Variants in LEKR1 observed in about 807,000 individuals in gnomAD.
LEKR1 encodes the protein protein LEKR1.
Under a neutral mutation model 72.4 loss-of-function variants are expected in LEKR1, and 59 were observed. That is an observed-to-expected ratio of 0.82 (90% CI 0.66 to 1.01). The LOEUF is 1.01. Among genes scored for constraint, LEKR1 ranks in the 50% least tolerant of loss-of-function variants. The pLI is 0.00. For missense variants in LEKR1, 728 were observed against 759.2 expected, an observed-to-expected ratio of 0.96 and a Z score of 0.48; for synonymous variants, 257 against 263.2, an observed-to-expected ratio of 0.98 and a Z score of 0.23.
intron 3 of LEKR1, among the ~76,000 whole-genome samples, chr3:156,916,457 A>G (rs754864611): frequency 6.6e-6 from 1 of 151,874 alleles, no homozygotes; most frequent in South Asian, 2.1e-4. Flanking sequence ...TATAATTCTC[A>G]TTGTAGAGAT....
At chr3:156,923,501 A>G (rs1053703597) in intron 4 of LEKR1, among the ~76,000 whole-genome samples, 7 of 152,184 alleles carry the variant, frequency 4.6e-5, no homozygotes, top group Non-Finnish European at 1.0e-4. Context: ...ACTTATCCAT[A>G]CTTTTGTTCC....
chr3:156,841,614 A>C (rs1397705518), intron 2 of LEKR1, among the ~76,000 whole-genome samples: 2 of 152,174 alleles, frequency 1.3e-5, no homozygotes, highest in Non-Finnish European at 2.9e-5. Flanking sequence ...GCATTTATAC[A>C]ACAAGTATTT....
chr3:156,827,672 A>G (rs996984527), intron 1 of LEKR1, among the ~76,000 whole-genome samples: 1 of 152,070 alleles, frequency 6.6e-6, no homozygotes, highest in Non-Finnish European at 1.5e-5. Flanking sequence ...ATTGTGGAGC[A>G]TTTTCTGGGT....
chr3:157,027,682 G>T (rs1357915975), intron 11 of LEKR1, among the ~76,000 whole-genome samples: 1 of 152,032 alleles, frequency 6.6e-6, no homozygotes, highest in Admixed American at 6.6e-5. Context: ...AGGGGTGGTG[G>T]CATGAGTCTG....
At chr3:157,010,115 A>G (rs190917194) in intron 9 of LEKR1, among the ~76,000 whole-genome samples, 16 of 151,932 alleles carry the variant, frequency 1.1e-4, no homozygotes, top group African/African-American at 2.6e-4. Context: ...TTTTATTCCT[A>G]ATTAGTCTAC....
chr3:156,986,772 C>G (rs1730724410), intron 7 of LEKR1, among the ~76,000 whole-genome samples: 1 of 152,178 alleles, frequency 6.6e-6, no homozygotes. Flanking sequence ...GAGGAGTGCA[C>G]AAGATACATA....
intron 6 of LEKR1, among the ~76,000 whole-genome samples, chr3:156,945,794 G>C (rs1349795337): frequency 1.3e-5 from 2 of 151,586 alleles, no homozygotes; most frequent in Non-Finnish European, 3.0e-5. Flanking sequence ...TTTCTGTTCT[G>C]TTCCATTGGT....
rs571935638 is a variant in LEKR1, at chr3:157,045,339, G to T, written c.1669-1G>T. On this transcript the variant is annotated splice_acceptor_variant, in intron 12 of 12. Transcript: ENST00000356539. LOFTEE classifies it high-confidence loss of function. ...CTTTCTTTTCCCCTCTCTCTTTTCA[G>T]AATACTTTTCTTCAGGAGACAGTGC... The T allele has an allele frequency of 1.6e-5, 25 of 1,604,046 alleles. No individual in the cohort carries two copies. The highest frequency in any genetic ancestry group is 1.2e-4 in the South Asian group (11 of 90,102).
intron 5 of LEKR1, among the ~76,000 whole-genome samples, chr3:156,940,519 T>C (rs1479464665): frequency 6.6e-6 from 1 of 152,174 alleles, no homozygotes; most frequent in Non-Finnish European, 1.5e-5. Flanking sequence ...TCGGGACACA[T>C]GTCTTACAAG....
intron 10 of LEKR1, among the ~76,000 whole-genome samples, chr3:157,021,912 C>G (rs941860589): frequency 2.6e-5 from 4 of 151,888 alleles, no homozygotes; most frequent in Non-Finnish European, 4.4e-5. Flanking sequence ...TGATTATTAA[C>G]TTTTATATTA....
chr3:156,935,610 G>A (rs1268132667), intron 5 of LEKR1, among the ~76,000 whole-genome samples: 1 of 152,042 alleles, frequency 6.6e-6, no homozygotes, highest in Non-Finnish European at 1.5e-5. Flanking sequence ...AAAATAAATT[G>A]AATGTAATGT....
At position 156,919,680 on chromosome 3, in the gene LEKR1, T is replaced by C. The variant is rs1251938284; in HGVS notation, c.264-895T>C. 2.6e-5 allele frequency among the ~76,000 whole-genome samples: 4 copies of C among 152,210 alleles called. No individual in the cohort carries two copies. The South Asian group carries it at 8.3e-4, about 32-fold the overall frequency. Reference sequence around the variant, plus strand: ...TAGATTAATAACTGTTTATAGCAACTACATGCTAACAAATCTTATTGTCTT... The same window carrying C: ...TAGATTAATAACTGTTTATAGCAACCACATGCTAACAAATCTTATTGTCTT... On this transcript the variant is annotated intron_variant, in intron 3 of 12. Coordinates refer to ENST00000356539, the MANE Select transcript of LEKR1 (RefSeq NM_001004316.3).
chr3:156,987,147 G>C (rs114755825), intron 7 of LEKR1, among the ~76,000 whole-genome samples: 2 of 151,978 alleles, frequency 1.3e-5, no homozygotes, highest in African/African-American at 4.8e-5. Flanking sequence ...GAAGAGAAAG[G>C]ATTACCACTA....
At chr3:157,030,952 A>G (rs1577020564) in intron 12 of LEKR1, among the ~76,000 whole-genome samples, 1 of 152,214 alleles carries the variant, frequency 6.6e-6, no homozygotes, top group South Asian at 2.1e-4. Context: ...CAGAAGCCAC[A>G]GTCTTTTTGC....
intron 10 of LEKR1, among the ~76,000 whole-genome samples, chr3:157,014,515 T>A (rs567686648): frequency 2.0e-5 from 3 of 152,270 alleles, no homozygotes; most frequent in Admixed American, 2.0e-4. Flanking sequence ...CCTAACGTGT[T>A]TTAGTATGCT....
rs546990019 is a variant in LEKR1, at chr3:156,869,577, T to A, written c.263+16595T>A. 5.9e-5 allele frequency among the ~76,000 whole-genome samples: 9 copies of A among 152,220 alleles called. No individual in the cohort carries two copies. The East Asian group carries it at 1.2e-3, about 20-fold the overall frequency. On this transcript the variant is annotated intron_variant, in intron 3 of 12. Transcript: ENST00000356539. The stretch of plus-strand genomic sequence containing the variant: ...GTTTTTTACTGCTAAGGGTTTTTTT[T>A]TCTAATTTCTTGTATATTGTGGATA...
Position 157,025,498 on chromosome 3 carries a change from G to T in LEKR1, c.1368+574G>T, listed in dbSNP as rs150446525. On this transcript the variant is annotated intron_variant, in intron 11 of 12. Coordinates refer to ENST00000356539, the MANE Select transcript of LEKR1 (RefSeq NM_001004316.3). ...TATGTGTATTAATCAAGACCTAGTG[G>T]GGAAATAACATTTTGAATACATGCA... Among the ~76,000 whole-genome samples, 314 of 152,124 alleles carry T rather than the reference G, an allele frequency of 2.1e-3. 4 individuals are homozygous for T. The highest frequency in any genetic ancestry group is 7.1e-3 in the African/African-American group (294 of 41,514).
intron 3 of LEKR1, among the ~76,000 whole-genome samples, chr3:156,879,450 G>A (rs1456126161): frequency 6.6e-6 from 1 of 152,134 alleles, no homozygotes; most frequent in African/African-American, 2.4e-5. Flanking sequence ...CTTGGGTGCT[G>A]TTAAAAGCAT....
At chr3:157,013,409 G>A (rs972762931) in intron 10 of LEKR1, among the ~76,000 whole-genome samples, 1 of 152,088 alleles carries the variant, frequency 6.6e-6, no homozygotes, top group South Asian at 2.1e-4. Flanking sequence ...ACAAGTTAGT[G>A]TTAGCATCTG....
Sources: gnomAD v4.1 joint callset for allele counts (sites outside exome capture counted in the v4.1 genomes callset) on GRCh38, gnomAD v4.1.1 for gene constraint, MANE v1.5 for transcripts, NCBI Gene and HGNC (gene_info 2026-07-23, HGNC 2026-07-21) for gene names.